Variants in PAK5 observed in about 807,000 individuals in gnomAD.
The protein encoded by PAK5 is serine/threonine-protein kinase PAK 5.
In PAK5, 16 loss-of-function variants were observed where a neutral mutation model predicts 65.9. The ratio of observed to expected loss-of-function variants is 0.24; its 90% confidence interval spans 0.16 to 0.37. The LOEUF is 0.37. Among genes scored for constraint, PAK5 ranks in the 10% least tolerant of loss-of-function variants. The probability of loss-of-function intolerance (pLI) is 1.00; values close to 1 mark genes in which losing one functional copy is unlikely to be tolerated. For synonymous variants in PAK5, 371 were observed against 354.9 expected (o/e 1.05, Z -0.51); for missense variants, 785 against 903.9 (o/e 0.87, Z 1.69).
chr20:9,563,337 T>G (rs1239278977), intron 5 of PAK5, among the ~76,000 whole-genome samples: 1 of 152,212 alleles, frequency 6.6e-6, no homozygotes, highest in Non-Finnish European at 1.5e-5. Flanking sequence ...TTTGGGGATA[T>G]GATCAGATAT....
chr20:9,759,087 G>T (rs1316728339), intron 1 of PAK5, among the ~76,000 whole-genome samples: 1 of 152,088 alleles, frequency 6.6e-6, no homozygotes, highest in Admixed American at 6.6e-5. Flanking sequence ...AAGCAAGCAA[G>T]CATTCAATAT....
chr20:9,700,669 A>G (rs2047928095), intron 2 of PAK5, among the ~76,000 whole-genome samples: 1 of 152,206 alleles, frequency 6.6e-6, no homozygotes, highest in Non-Finnish European at 1.5e-5. Flanking sequence ...AAGCAATAAA[A>G]GAAGCAATCA....
At chr20:9,664,318 T>C (rs1452552082) in intron 2 of PAK5, among the ~76,000 whole-genome samples, 1 of 152,156 alleles carries the variant, frequency 6.6e-6, no homozygotes, top group Admixed American at 6.6e-5. Context: ...ACCCTCTTTA[T>C]AAAGAACATG....
At chr20:9,722,223 C>T (rs1352457778) in intron 1 of PAK5, among the ~76,000 whole-genome samples, 1 of 151,944 alleles carries the variant, frequency 6.6e-6, no homozygotes, top group Non-Finnish European at 1.5e-5. Flanking sequence ...GTCATCCAGG[C>T]CAGGGAGTTA....
intron 1 of PAK5, among the ~76,000 whole-genome samples, chr20:9,752,515 G>C (rs1364483234): frequency 1.3e-5 from 2 of 152,084 alleles, no homozygotes; most frequent in Non-Finnish European, 2.9e-5. Flanking sequence ...GCAGTGGTAA[G>C]AGGTAGATTT....
At chr20:9,728,726 G>A (rs1483548701) in intron 1 of PAK5, among the ~76,000 whole-genome samples, 1 of 151,210 alleles carries the variant, frequency 6.6e-6, no homozygotes, top group Non-Finnish European at 1.5e-5. Context: ...GCAGGAGTTG[G>A]CAAACTACAG....
rs192182488 is a variant in PAK5, at chr20:9,759,910, C to T, written c.-161-48475G>A. 2.4e-3 allele frequency among the ~76,000 whole-genome samples: 360 copies of T among 152,246 alleles called. 1 individual carries two copies. Among genetic ancestry groups the T allele is most frequent in the Non-Finnish European group, 3.9e-3 (267 of 68,008 alleles). On this transcript the variant is annotated intron_variant, in intron 1 of 9. Coordinates refer to ENST00000353224, the MANE Select transcript of PAK5 (RefSeq NM_177990.4). ...ACCATCTCATTCTCTATTCAATATCCGCCTGTCAGCCATTTAGTCAAATAA... is the reference window on the plus strand; with the variant it reads ...ACCATCTCATTCTCTATTCAATATCTGCCTGTCAGCCATTTAGTCAAATAA...
intron 1 of PAK5, among the ~76,000 whole-genome samples, chr20:9,742,775 T>C (rs980994052): frequency 6.6e-6 from 1 of 152,198 alleles, no homozygotes; most frequent in African/African-American, 2.4e-5. Flanking sequence ...CAAACATTCC[T>C]CAAACATGCC....
intron 4 of PAK5, among the ~76,000 whole-genome samples, chr20:9,567,202 A>G (rs148600891): frequency 6.6e-6 from 1 of 152,184 alleles, no homozygotes; most frequent in Admixed American, 6.5e-5. Context: ...TAATCCATCA[A>G]TGCACTCTGT....
At chr20:9,832,905 A>G (rs1437845826) in intron 1 of PAK5, among the ~76,000 whole-genome samples, 2 of 152,202 alleles carry the variant, frequency 1.3e-5, no homozygotes, top group African/African-American at 4.8e-5. Flanking sequence ...GGCTATCATG[A>G]ACTGTCATGT....
At chr20:9,641,670 C>G (rs1407917182) in intron 3 of PAK5, among the ~76,000 whole-genome samples, 2 of 152,030 alleles carry the variant, frequency 1.3e-5, no homozygotes, top group Non-Finnish European at 2.9e-5. Context: ...CTCGGCCGCA[C>G]AGGAGCCCAT....
intron 1 of PAK5, among the ~76,000 whole-genome samples, chr20:9,760,673 CTTTTTTTT>C (rs5840332): frequency 8.1e-6 from 1 of 122,832 alleles, no homozygotes. Context: ...CTTTTCTTTT[CTTTTTTTT>C]TTTTTTTTTA....
chr20:9,677,350 G>GCTAA (rs1285275335), intron 2 of PAK5, among the ~76,000 whole-genome samples: 7 of 152,110 alleles, frequency 4.6e-5, no homozygotes, highest in Admixed American at 4.6e-4. Flanking sequence ...GAGTAGAAGA[G>GCTAA]CTAAGGCTGA....
At chr20:9,638,108 C>T (rs1375782258) in intron 3 of PAK5, among the ~76,000 whole-genome samples, 1 of 152,106 alleles carries the variant, frequency 6.6e-6, no homozygotes, top group African/African-American at 2.4e-5. Flanking sequence ...CTATAACAAG[C>T]CCCCAGGGAA....
At chr20:9,632,758 A>G (rs1307254014) in intron 3 of PAK5, among the ~76,000 whole-genome samples, 1 of 152,222 alleles carries the variant, frequency 6.6e-6, no homozygotes, top group Non-Finnish European at 1.5e-5. Flanking sequence ...ACAATCTACA[A>G]GGTGAAAAGG....
At chr20:9,635,541 C>T (rs565352175) in intron 3 of PAK5, among the ~76,000 whole-genome samples, 1 of 152,254 alleles carries the variant, frequency 6.6e-6, no homozygotes, top group African/African-American at 2.4e-5. Flanking sequence ...TTGTTCCTGC[C>T]ACAGGGTCTT....
At position 9,610,733 on chromosome 20, in the gene PAK5, T is replaced by C. The variant is rs539387251; in HGVS notation, c.205-29803A>G. Among the ~76,000 whole-genome samples, 156 of 152,334 alleles carry C rather than the reference T, an allele frequency of 1.0e-3. 1 individual carries two copies. Among genetic ancestry groups the C allele is most frequent in the African/African-American group, 3.6e-3 (148 of 41,580 alleles). ...TCTGTGTGCTTTGTTTCTAATGGTCTGTGCCCGTAATTTATTGCTGTCATT... is the reference window on the plus strand; with the variant it reads ...TCTGTGTGCTTTGTTTCTAATGGTCCGTGCCCGTAATTTATTGCTGTCATT... On this transcript the variant is annotated intron_variant, in intron 3 of 9. Transcript: ENST00000353224.
At chr20:9,635,289 T>C (rs2046970168) in intron 3 of PAK5, among the ~76,000 whole-genome samples, 1 of 152,222 alleles carries the variant, frequency 6.6e-6, no homozygotes, top group Admixed American at 6.5e-5. Context: ...TGGTACACTA[T>C]ACATTGGGTC....
At chr20:9,605,211 G>A (rs938475429) in intron 3 of PAK5, among the ~76,000 whole-genome samples, 1 of 152,188 alleles carries the variant, frequency 6.6e-6, no homozygotes, top group South Asian at 2.1e-4. Context: ...TTTCCACATT[G>A]GTTAAGGATT....
Sources: allele counts gnomAD v4.1 joint callset (sites outside exome capture counted in the v4.1 genomes callset), GRCh38; gene constraint gnomAD v4.1.1; transcripts MANE v1.5; gene names NCBI Gene and HGNC (gene_info 2026-07-23, HGNC 2026-07-21).